The following BICDL1 variants were observed in gnomAD, a reference collection of about 807,000 sequenced individuals.
BICDL1 encodes the protein BICD family like cargo adaptor 1.
In BICDL1, 20 loss-of-function variants were observed where a neutral mutation model predicts 76.8. That is an observed-to-expected ratio of 0.26 (90% CI 0.18 to 0.38). The LOEUF is 0.38. Ranked by LOEUF, BICDL1 falls within the 10% of genes least tolerant of loss-of-function variation. The pLI, the probability that BICDL1 is intolerant of heterozygous loss-of-function variation, is 1.00. For missense variants in BICDL1, 700 were observed against 798.6 expected, an observed-to-expected ratio of 0.88 and a Z score of 1.49; for synonymous variants, 383 against 337.1, an observed-to-expected ratio of 1.14 and a Z score of -1.49.
chr12:120,087,215 G>A (rs1377267259), intron 8 of BICDL1, among the ~76,000 whole-genome samples: 1 of 152,250 alleles, frequency 6.6e-6, no homozygotes, highest in Admixed American at 6.5e-5. Flanking sequence ...TGTGACGGAG[G>A]CAGCCTTCGG....
At chr12:120,047,620 TA>T (rs1952773672) in intron 2 of BICDL1, among the ~76,000 whole-genome samples, 1 of 152,230 alleles carries the variant, frequency 6.6e-6, no homozygotes, top group Admixed American at 6.5e-5. Context: ...TAACCTGTGC[TA>T]AACATTTCAT....
intron 2 of BICDL1, among the ~76,000 whole-genome samples, chr12:120,039,637 CAAAAAAAAA>C (rs58284420): frequency 1.8e-5 from 1 of 54,760 alleles, no homozygotes; most frequent in African/African-American, 7.0e-5. Context: ...GACTCCGTCT[CAAAAAAAAA>C]AAAAAAAAAA....
At chr12:120,056,588 G>A (rs1472370873) in intron 2 of BICDL1, among the ~76,000 whole-genome samples, 1 of 152,090 alleles carries the variant, frequency 6.6e-6, no homozygotes, top group Non-Finnish European at 1.5e-5. Context: ...GCGTGGTAGT[G>A]CGCCTGTAAT....
rs557791840 is a variant in BICDL1, at chr12:120,089,022, A to G, written c.1584-929A>G. ...TCCCATCATTCATGACCACTTGGCT[A>G]CTCTGACTAGCTAAGCTATAGTGAT... On this transcript the variant is annotated intron_variant, in intron 8 of 9. Coordinates refer to ENST00000548673, the MANE Select transcript of BICDL1 (RefSeq NM_001367886.1). Among the ~76,000 whole-genome samples, 7 of 152,236 alleles carry G rather than the reference A, an allele frequency of 4.6e-5. 1 individual carries two copies. The highest frequency in any genetic ancestry group is 1.7e-4 in the African/African-American group (7 of 41,556).
At chr12:120,004,112 G>A (rs1171484814) in intron 2 of BICDL1, among the ~76,000 whole-genome samples, 1 of 152,190 alleles carries the variant, frequency 6.6e-6, no homozygotes, top group Admixed American at 6.5e-5. Context: ...TCACTGTGCA[G>A]CCCTGATGGC....
intron 2 of BICDL1, among the ~76,000 whole-genome samples, chr12:120,006,848 G>A (rs1022001566): frequency 7.9e-5 from 12 of 152,046 alleles, no homozygotes; most frequent in African/African-American, 2.7e-4. Flanking sequence ...TTTTTGGCAG[G>A]GGAGCATCAT....
At chr12:120,077,485 G>A (rs1485735357) in intron 7 of BICDL1, among the ~76,000 whole-genome samples, 2 of 139,460 alleles carry the variant, frequency 1.4e-5, no homozygotes, top group Non-Finnish European at 3.2e-5. Context: ...TTATCGGTGA[G>A]GCCCTCAGCC....
chr12:120,063,822 AG>A (rs1337735238), intron 3 of BICDL1, among the ~76,000 whole-genome samples: 1 of 152,112 alleles, frequency 6.6e-6, no homozygotes, highest in African/African-American at 2.4e-5. Context: ...CCCCTGAGCC[AG>A]GGTGGTGATC....
chr12:119,996,138 C>G (rs1474514196), intron 1 of BICDL1, among the ~76,000 whole-genome samples: 1 of 152,112 alleles, frequency 6.6e-6, no homozygotes, highest in African/African-American at 2.4e-5. Flanking sequence ...GTGTCTTTTT[C>G]AACAGATACA....
chr12:120,056,423 T>A (rs180864615), intron 2 of BICDL1, among the ~76,000 whole-genome samples: 1 of 152,302 alleles, frequency 6.6e-6, no homozygotes, highest in Non-Finnish European at 1.5e-5. Flanking sequence ...CATTTTCTGC[T>A]ATAAGAATGA....
intron 2 of BICDL1, among the ~76,000 whole-genome samples, chr12:120,013,915 C>T (rs577462776): frequency 5.3e-5 from 8 of 152,190 alleles, no homozygotes; most frequent in Admixed American, 2.0e-4. Context: ...TGGTGGAAAC[C>T]CCCGCATATT....
chr12:120,044,255 T>A (rs1456558761), intron 2 of BICDL1, among the ~76,000 whole-genome samples: 1 of 152,242 alleles, frequency 6.6e-6, no homozygotes, highest in Non-Finnish European at 1.5e-5. Flanking sequence ...CTTTGTAACC[T>A]TCTTTTTAGG....
intron 8 of BICDL1, among the ~76,000 whole-genome samples, chr12:120,088,606 C>T (rs573204434): frequency 2.0e-5 from 3 of 152,224 alleles, no homozygotes; most frequent in Non-Finnish European, 2.9e-5. Flanking sequence ...ATCCTTCCAC[C>T]TTGGCCTCCC....
At chr12:120,091,243 A>G (rs1874936262) in intron 9 of BICDL1, 6 of 1,154,724 alleles carry the variant, frequency 5.2e-6, no homozygotes, top group Non-Finnish European at 6.5e-6. Flanking sequence ...CCGTCTTCTC[A>G]TAGATGGCTG....
intron 7 of BICDL1, among the ~76,000 whole-genome samples, chr12:120,076,372 GC>G (rs1873550373): frequency 6.6e-6 from 1 of 152,202 alleles, no homozygotes; most frequent in South Asian, 2.1e-4. Context: ...TTATTTTAAA[GC>G]CTATTTAAAT....
chr12:120,090,667 C>A, intron 9 of BICDL1: 1 of 363,174 alleles, frequency 2.8e-6, no homozygotes, highest in East Asian at 7.3e-5. Flanking sequence ...TGGGTATAAA[C>A]ATTAATATTT....
chr12:120,033,366 C>CATTTTTT (rs1952462895), intron 2 of BICDL1, among the ~76,000 whole-genome samples: 1 of 86,694 alleles, frequency 1.2e-5, no homozygotes, highest in African/African-American at 8.6e-5. Flanking sequence ...AGAGTTCTTG[C>CATTTTTT]CTTTTTTTTT....
chr12:120,040,525 C>T (rs182961243), intron 2 of BICDL1, among the ~76,000 whole-genome samples: 4 of 152,220 alleles, frequency 2.6e-5, no homozygotes, highest in Admixed American at 2.0e-4. Context: ...AAGCCATCCT[C>T]CTACCTCAGC....
chr12:120,011,209 A>G (rs1327711985), intron 2 of BICDL1, among the ~76,000 whole-genome samples: 2 of 152,218 alleles, frequency 1.3e-5, no homozygotes, highest in East Asian at 1.9e-4. Context: ...TCTGTGGGCT[A>G]TGCCTGGAAA....
Sources: allele counts gnomAD v4.1 joint callset (sites outside exome capture counted in the v4.1 genomes callset), GRCh38; gene constraint gnomAD v4.1.1; transcripts MANE v1.5; gene names NCBI Gene and HGNC (gene_info 2026-07-23, HGNC 2026-07-21).